Variants in IL1RAPL1 observed in about 807,000 individuals in gnomAD.
The protein encoded by IL1RAPL1 is interleukin 1 receptor accessory protein like 1.
A neutral mutation model predicts 48.4 loss-of-function variants in IL1RAPL1; 3 were observed. The ratio of observed to expected loss-of-function variants is 0.06; its 90% CI spans 0.03 to 0.16. The LOEUF is 0.16. Ranked by LOEUF, IL1RAPL1 falls within the 10% of genes least tolerant of loss-of-function variation. The pLI, the probability that IL1RAPL1 is intolerant of heterozygous loss-of-function variation, is 1.00. For synonymous variants in IL1RAPL1, 185 were observed against 187.7 expected (o/e 0.99, Z 0.12); for missense variants, 349 against 530.6 (o/e 0.66, Z 3.36).
chrX:29,521,369 C>T (rs1354349180), intron 5 of IL1RAPL1, among the ~76,000 whole-genome samples: 1 of 111,890 alleles, frequency 8.9e-6, no homozygotes, highest in African/African-American at 3.2e-5. Flanking sequence ...CCCCCTTTCA[C>T]ACCAATGTGA....
chrX:29,267,102 C>A, intron 2 of IL1RAPL1, among the ~76,000 whole-genome samples: 1 of 111,920 alleles, frequency 8.9e-6, no homozygotes, highest in Non-Finnish European at 1.9e-5. Context: ...TATGTTCTAT[C>A]CAAACCACTC....
chrX:28,873,594 C>G (rs866677713), intron 2 of IL1RAPL1, among the ~76,000 whole-genome samples: 8 of 91,145 alleles, frequency 8.8e-5, no homozygotes, highest in Middle Eastern at 7.4e-3. Context: ...TGCAGTGGCT[C>G]AATCTCGGCT....
At chrX:29,285,099 A>G (rs1173247787) in intron 3 of IL1RAPL1, among the ~76,000 whole-genome samples, 2 of 112,037 alleles carry the variant, frequency 1.8e-5, no homozygotes, top group East Asian at 2.8e-4. Context: ...GTATAATACT[A>G]CATTTCGTCA....
intron 1 of IL1RAPL1, among the ~76,000 whole-genome samples, chrX:28,611,301 C>T (rs143122885): frequency 9.0e-6 from 1 of 111,420 alleles, no homozygotes; most frequent in African/African-American, 3.3e-5. Context: ...ACTTCAAGAG[C>T]GCGGTAGGAG....
At chrX:28,906,257 A>C (rs752107844) in intron 2 of IL1RAPL1, among the ~76,000 whole-genome samples, 5 of 112,951 alleles carry the variant, frequency 4.4e-5, no homozygotes, top group Non-Finnish European at 9.4e-5. Flanking sequence ...TATGGGGAGT[A>C]CAGTTCAAGA....
At chrX:29,833,421 C>T (rs977857785) in intron 6 of IL1RAPL1, among the ~76,000 whole-genome samples, 2 of 110,756 alleles carry the variant, frequency 1.8e-5, no homozygotes, top group Admixed American at 9.6e-5. Flanking sequence ...GTTGAAAATT[C>T]TCTAAGTGAT....
chrX:28,875,598 T>C (rs1922350035), intron 2 of IL1RAPL1, among the ~76,000 whole-genome samples: 1 of 111,707 alleles, frequency 9.0e-6, no homozygotes, highest in Non-Finnish European at 1.9e-5. Flanking sequence ...AGATGGGGCT[T>C]GGTGGGATGG....
intron 2 of IL1RAPL1, among the ~76,000 whole-genome samples, chrX:28,825,665 C>T (rs1419532675): frequency 9.0e-6 from 1 of 111,087 alleles, no homozygotes; most frequent in East Asian, 2.8e-4. Context: ...GAATCTTTAA[C>T]ATTTGAATGT....
chrX:29,227,138 T>C (rs1179379132), intron 2 of IL1RAPL1, among the ~76,000 whole-genome samples: 1 of 110,571 alleles, frequency 9.0e-6, no homozygotes, highest in Non-Finnish European at 1.9e-5. Context: ...ATCATTAGCA[T>C]ATTTGGCATA....
chrX:29,762,973 T>G (rs1376654305), intron 6 of IL1RAPL1, among the ~76,000 whole-genome samples: 1 of 111,143 alleles, frequency 9.0e-6, no homozygotes, highest in African/African-American at 3.3e-5. Context: ...GGAATGTGTC[T>G]CACTGAGAAA....
chrX:29,588,264 G>A (rs188010204), intron 5 of IL1RAPL1, among the ~76,000 whole-genome samples: 72 of 112,289 alleles, frequency 6.4e-4, no homozygotes, highest in African/African-American at 2.2e-3. Context: ...TCAATGGGAA[G>A]CAACAATGGA....
intron 1 of IL1RAPL1, among the ~76,000 whole-genome samples, chrX:28,608,154 A>T (rs1934107089): frequency 8.9e-6 from 1 of 111,816 alleles, no homozygotes; most frequent in Middle Eastern, 4.7e-3. Flanking sequence ...TTGACTACAG[A>T]TGTAAAACGT....
chrX:29,753,184 G>A (rs1928532529), intron 6 of IL1RAPL1, among the ~76,000 whole-genome samples: 1 of 112,011 alleles, frequency 8.9e-6, no homozygotes, highest in Non-Finnish European at 1.9e-5. Context: ...AATTATATCA[G>A]TCAAAAATAC....
At chrX:29,161,862 T>C (rs903605785) in intron 2 of IL1RAPL1, among the ~76,000 whole-genome samples, 3 of 112,173 alleles carry the variant, frequency 2.7e-5, no homozygotes, top group Non-Finnish European at 5.6e-5. Flanking sequence ...ACTGGGTATA[T>C]ACCCAAAGGA....
chrX:28,755,001 GT>G (rs200865814), intron 1 of IL1RAPL1, among the ~76,000 whole-genome samples: 1 of 108,447 alleles, frequency 9.2e-6, no homozygotes, highest in African/African-American at 3.4e-5. Flanking sequence ...TTTTTGTTTT[GT>G]TTTTTTTTGA....
chrX:29,038,625 C>T (rs1217656908), intron 2 of IL1RAPL1, among the ~76,000 whole-genome samples: 1 of 111,459 alleles, frequency 9.0e-6, no homozygotes, highest in Non-Finnish European at 1.9e-5. Flanking sequence ...GACAAAGGGA[C>T]AGAGTTTTAA....
chrX:29,437,535 T>C (rs1011248835), intron 5 of IL1RAPL1, among the ~76,000 whole-genome samples: 3 of 110,838 alleles, frequency 2.7e-5, no homozygotes, highest in South Asian at 3.7e-4. Flanking sequence ...CACCATTAAA[T>C]AGCATCTTAG....
chrX:29,574,097 A>G (rs928370764), intron 5 of IL1RAPL1, among the ~76,000 whole-genome samples: 3 of 110,122 alleles, frequency 2.7e-5, no homozygotes, highest in Non-Finnish European at 5.7e-5. Context: ...TACAGGAAAC[A>G]TGGCTGGGGA....
intron 5 of IL1RAPL1, among the ~76,000 whole-genome samples, chrX:29,598,155 G>A (rs1455332134): frequency 8.9e-6 from 1 of 111,920 alleles, no homozygotes; most frequent in South Asian, 3.7e-4. Context: ...TTTGAGGCAG[G>A]CATTTAATAT....
Sources: allele counts gnomAD v4.1 joint callset (sites outside exome capture counted in the v4.1 genomes callset), GRCh38; gene constraint gnomAD v4.1.1; transcripts MANE v1.5; gene names NCBI Gene and HGNC (gene_info 2026-07-23, HGNC 2026-07-21).